Variants in SGCD observed in about 807,000 individuals in gnomAD.
SGCD encodes the protein delta-sarcoglycan.
Under a neutral mutation model 36.6 loss-of-function variants are expected in SGCD, and 18 were observed. That is an observed-to-expected ratio of 0.49 (90% CI 0.34 to 0.73). SGCD has a LOEUF of 0.73. SGCD is among the 30% of genes least tolerant of loss of function. The pLI is 0.01. For synonymous variants in SGCD, 133 were observed against 130.6 expected, an observed-to-expected ratio of 1.02 and a Z score of -0.12; for missense variants, 387 against 346.7, an observed-to-expected ratio of 1.12 and a Z score of -0.92.
chr5:155,751,275 A>G, the SGCD span, among the ~76,000 whole-genome samples: 2 of 152,318 alleles, frequency 1.3e-5, no homozygotes, highest in East Asian at 1.9e-4. Flanking sequence ...CAAGTTATCA[A>G]TGGATATGGA....
intron 3 of SGCD, among the ~76,000 whole-genome samples, chr5:156,216,035 G>C (rs1370182646): frequency 6.6e-6 from 1 of 152,166 alleles, no homozygotes; most frequent in Admixed American, 6.5e-5. Flanking sequence ...ATAACAATGT[G>C]GATGAACCTG....
At chr5:156,027,758 T>C (rs996886266) in intron 1 of SGCD, among the ~76,000 whole-genome samples, 1 of 152,222 alleles carries the variant, frequency 6.6e-6, no homozygotes, top group Non-Finnish European at 1.5e-5. Context: ...GAAATAATTC[T>C]ACTGCTACTT....
At chr5:156,757,506 C>A in intron 7 of SGCD, 75 bp from the exon 8 acceptor site, 2 of 961,760 alleles carry the variant, frequency 2.1e-6, no homozygotes, top group Non-Finnish European at 3.1e-6. Flanking sequence ...TGTTAATGTC[C>A]TTGAGCATGA....
At chr5:156,218,308 C>CAAATAAAAT (rs1764628404) in intron 3 of SGCD, among the ~76,000 whole-genome samples, 1 of 151,270 alleles carries the variant, frequency 6.6e-6, no homozygotes, top group East Asian at 1.9e-4. Context: ...TTTCAAACAA[C>CAAATAAAAT]ATGAAAGATA....
chr5:156,586,797 G>T (rs1365389120), intron 4 of SGCD, among the ~76,000 whole-genome samples: 1 of 152,106 alleles, frequency 6.6e-6, no homozygotes, highest in Non-Finnish European at 1.5e-5. Context: ...AAAAGATGCT[G>T]CAGCCTCCTG....
At position 155,945,559 on chromosome 5, in the gene SGCD, C is replaced by T. The variant is rs10077383; in HGVS notation, c.-282+75135C>T. 2.9e-3 allele frequency among the ~76,000 whole-genome samples: 434 copies of T among 152,228 alleles called. 2 individuals carry two copies. The highest frequency in any genetic ancestry group is 7.3e-3 in the African/African-American group (303 of 41,526). ...GAGCTGTGAAAGCATTTGCAGAGGACGGAACTAGCCTGAGGCTTCAGGGAA... is the reference window on the plus strand; with the variant it reads ...GAGCTGTGAAAGCATTTGCAGAGGATGGAACTAGCCTGAGGCTTCAGGGAA... On this transcript the variant is annotated intron_variant, in intron 1 of 9. Transcript: ENST00000517913.
At chr5:156,268,105 G>C (rs925361024) in intron 3 of SGCD, among the ~76,000 whole-genome samples, 3 of 152,104 alleles carry the variant, frequency 2.0e-5, no homozygotes, top group Non-Finnish European at 2.9e-5. Flanking sequence ...TTCTGTTCTT[G>C]CGTTAGTTTG....
intron 3 of SGCD, among the ~76,000 whole-genome samples, chr5:156,462,195 G>A (rs1164031570): frequency 1.4e-5 from 2 of 146,372 alleles, no homozygotes; most frequent in Non-Finnish European, 3.1e-5. Flanking sequence ...GGAATCCACA[G>A]CCAGATGACA....
intron 4 of SGCD, among the ~76,000 whole-genome samples, chr5:156,570,801 C>A (rs1347554090): frequency 6.6e-6 from 1 of 152,142 alleles, no homozygotes; most frequent in Non-Finnish European, 1.5e-5. Flanking sequence ...CTTCCTCCCA[C>A]CCTCCACCCT....
chr5:156,023,404 G>C (rs187832858), intron 1 of SGCD, among the ~76,000 whole-genome samples: 1 of 152,344 alleles, frequency 6.6e-6, no homozygotes, highest in East Asian at 1.9e-4. Flanking sequence ...ATTAGAATTA[G>C]AGTATGGGCT....
chr5:156,464,238 T>G (rs985979248), intron 3 of SGCD, among the ~76,000 whole-genome samples: 4 of 146,982 alleles, frequency 2.7e-5, no homozygotes, highest in African/African-American at 1.0e-4. Flanking sequence ...TTTTTTTTTT[T>G]GAGAAAGAGT....
At chr5:156,354,348 A>G (rs970046626) in intron 3 of SGCD, among the ~76,000 whole-genome samples, 2 of 152,100 alleles carry the variant, frequency 1.3e-5, no homozygotes, top group African/African-American at 4.8e-5. Flanking sequence ...TGGTTCTAGT[A>G]TTGAGAGCTT....
chr5:156,061,103 C>G (rs1419546435), intron 1 of SGCD, among the ~76,000 whole-genome samples: 2 of 145,350 alleles, frequency 1.4e-5, no homozygotes, highest in African/African-American at 4.9e-5. Context: ...TTACCTGAGT[C>G]AAAGCACTAG....
chr5:155,892,931 A>T (rs1201740853), intron 1 of SGCD, among the ~76,000 whole-genome samples: 1 of 152,202 alleles, frequency 6.6e-6, no homozygotes, highest in African/African-American at 2.4e-5. Context: ...TAGAGAGCAG[A>T]GTAGTGGTTA....
intron 3 of SGCD, among the ~76,000 whole-genome samples, chr5:156,270,471 TA>T (rs1419171247): frequency 1.3e-5 from 2 of 152,192 alleles, no homozygotes; most frequent in Non-Finnish European, 2.9e-5. Flanking sequence ...TAAAGATAAT[TA>T]AAATATCATA....
chr5:155,965,989 GCTC>G (rs1561665787), intron 1 of SGCD, among the ~76,000 whole-genome samples: 1 of 152,010 alleles, frequency 6.6e-6, no homozygotes, highest in Non-Finnish European at 1.5e-5. Context: ...CCTGCCTGAT[GCTC>G]CCTTCATGAA....
chr5:156,485,867 A>C (rs1755633842), intron 3 of SGCD, among the ~76,000 whole-genome samples: 1 of 152,104 alleles, frequency 6.6e-6, no homozygotes, highest in African/African-American at 2.4e-5. Flanking sequence ...GTTCAGAGCC[A>C]GGAAAAACTC....
chr5:155,988,821 A>G (rs1445082181), intron 1 of SGCD, among the ~76,000 whole-genome samples: 2 of 152,300 alleles, frequency 1.3e-5, no homozygotes, highest in Admixed American at 6.5e-5. Flanking sequence ...GACTTAAGTG[A>G]AACAATACAT....
intron 3 of SGCD, among the ~76,000 whole-genome samples, chr5:156,196,270 C>T (rs1764023610): frequency 1.3e-5 from 2 of 152,112 alleles, no homozygotes; most frequent in Non-Finnish European, 2.9e-5. Flanking sequence ...GGCTAGTATG[C>T]CCATATAAAG....
Sources: gnomAD v4.1 joint callset for allele counts (sites outside exome capture counted in the v4.1 genomes callset) on GRCh38, gnomAD v4.1.1 for gene constraint, MANE v1.5 for transcripts, NCBI Gene and HGNC (gene_info 2026-07-23, HGNC 2026-07-21) for gene names.